The following NUDT6 variants were observed in gnomAD, a reference collection of about 807,000 sequenced individuals.
NUDT6 encodes nudix hydrolase 6.
In NUDT6, 24 loss-of-function variants were observed where a neutral mutation model predicts 36.8. That is an observed-to-expected ratio of 0.65 (90% CI 0.47 to 0.92). The LOEUF is 0.92. Among genes scored for constraint, NUDT6 ranks in the 40% least tolerant of loss-of-function variants. NUDT6 has a pLI of 0.00. For synonymous variants in NUDT6, 163 were observed against 157.0 expected, an observed-to-expected ratio of 1.04 and a Z score of -0.29; for missense variants, 388 against 392.8, an observed-to-expected ratio of 0.99 and a Z score of 0.10.
At chr4:122,904,751 G>C (rs754456386) in intron 3 of NUDT6, among the ~76,000 whole-genome samples, 11 of 152,074 alleles carry the variant, frequency 7.2e-5, no homozygotes, top group Non-Finnish European at 1.0e-4. Flanking sequence ...ACCGTGCCTC[G>C]CCTCTTCCTC....
At chr4:122,917,438 C>A in intron 2 of NUDT6, 63 bp downstream of exon 2, 1 of 1,366,028 alleles carries the variant, frequency 7.3e-7, no homozygotes, top group Non-Finnish European at 1.0e-6. Flanking sequence ...TTAGCTGTAA[C>A]AAGCAAGAAA....
intron 3 of NUDT6, among the ~76,000 whole-genome samples, chr4:122,903,915 A>G (rs769587132): frequency 1.6e-4 from 25 of 152,236 alleles, no homozygotes; most frequent in Admixed American, 6.5e-4. Flanking sequence ...ATCTGGGTCC[A>G]GATAAACCAG....
Position 122,922,484 on chromosome 4 carries a change from G to A in NUDT6, c.89C>T (p.Ser30Leu). 1.9e-6 allele frequency: 3 copies of A among 1,611,280 alleles called. No individual in the cohort carries two copies. Among genetic ancestry groups the A allele is most frequent in the Non-Finnish European group, 2.5e-6 (3 of 1,179,774 alleles). Residue 30 changes from serine (S) to leucine (L), a missense_variant, in exon 1 of 5, where the codon TCG becomes TTG. Coordinates refer to ENST00000304430, the MANE Select transcript of NUDT6 (RefSeq NM_007083.5). ...ATTCCGCACGTAACCCTGTGCGCCC[G>A]AGGCCCAGCGGTAACCCGCCGAAGG... ...PGPSAGYRWA[S>L]GAQGYVRNPP...
chr4:122,904,705 C>T (rs1438187638), intron 3 of NUDT6, among the ~76,000 whole-genome samples: 1 of 152,172 alleles, frequency 6.6e-6, no homozygotes, highest in Non-Finnish European at 1.5e-5. Context: ...CTGCCTGCCT[C>T]GGCCTCCCAA....
chr4:122,897,541 T>C (rs112096878), intron 4 of NUDT6, 83 bp downstream of exon 4: 31 of 1,012,206 alleles, frequency 3.1e-5, no homozygotes, highest in African/African-American at 2.3e-4. Context: ...TTTAAATTTT[T>C]ATTCTTAGCT....
At chr4:122,917,140 A>C (rs1727861262) in intron 2 of NUDT6, among the ~76,000 whole-genome samples, 1 of 152,220 alleles carries the variant, frequency 6.6e-6, no homozygotes, top group South Asian at 2.1e-4. Context: ...AATACAAAAC[A>C]ATATTTTGAG....
intron 4 of NUDT6, chr4:122,896,304 A>C (rs1727350631): frequency 6.6e-6 from 1 of 152,530 alleles, no homozygotes; most frequent in South Asian, 2.1e-4. Flanking sequence ...TTTTTCTTCA[A>C]TTACATCTAC....
At chr4:122,918,094 T>C (rs1727884322) in intron 1 of NUDT6, 2 of 168,524 alleles carry the variant, frequency 1.2e-5, no homozygotes, top group Admixed American at 1.1e-4. Flanking sequence ...ATTATGGACT[T>C]CTATTTTTTT....
intron 3 of NUDT6, among the ~76,000 whole-genome samples, chr4:122,906,097 G>T (rs1284487529): frequency 6.6e-6 from 1 of 152,132 alleles, no homozygotes; most frequent in Non-Finnish European, 1.5e-5. Context: ...CCTGTTAGGG[G>T]ATTGGCTTTG....
At chr4:122,898,743 T>G (rs1578490020) in intron 3 of NUDT6, among the ~76,000 whole-genome samples, 1 of 152,360 alleles carries the variant, frequency 6.6e-6, no homozygotes, top group East Asian at 1.9e-4. Flanking sequence ...ACTTTATTAA[T>G]GTAGAAATAT....
intron 4 of NUDT6, chr4:122,895,517 A>T (rs1727322265): frequency 6.6e-6 from 1 of 152,198 alleles, no homozygotes; most frequent in African/African-American, 2.4e-5. Flanking sequence ...TAGTGCACTG[A>T]TGATCTCTGA....
chr4:122,893,041 A>T lies in NUDT6; in HGVS notation c.738T>A (p.Cys246Ter). ...CCAGGTCATTGAGATCCATCCACTC[A>T]CATCTTAAGCATTCTTCCTGGCAAA... is the stretch of plus-strand genomic sequence containing the variant. Reference protein sequence around the residue: ...INFCQEECLRCEWMDLNDLAK... With the variant: ...INFCQEECLR Residue 246 changes from cysteine to a stop codon, truncating the protein, a stop_gained, in exon 5 of 5, where the codon TGT (cysteine) becomes TGA (stop). Transcript: ENST00000304430. LOFTEE classifies it high-confidence loss of function. 6.2e-7 allele frequency: 1 copy of T among 1,614,156 alleles called. No homozygotes were observed.
intron 3 of NUDT6, among the ~76,000 whole-genome samples, chr4:122,901,104 A>T (rs964016029): frequency 7.2e-5 from 11 of 152,130 alleles, no homozygotes; most frequent in African/African-American, 2.7e-4. Context: ...CTCTTGTGAA[A>T]CAAGTATTCT....
rs1485017497 is a variant in NUDT6, at chr4:122,922,494, G to A, written c.79C>T (p.Arg27Cys). The A allele has an allele frequency of 1.2e-6, 2 of 1,610,888 alleles. No homozygotes were observed. The highest frequency in any genetic ancestry group is 8.5e-7 in the Non-Finnish European group (1 of 1,179,752). The change falls in exon 1 of 5, where the codon CGC (arginine) becomes TGC (cysteine). Residue 27 changes from arginine (R) to cysteine (C), a missense_variant. Arg to Cys is a radical substitution (Grantham distance 180, BLOSUM62 -3). Transcript: ENST00000304430. ...TYGPGPSAGY[R>C]WASGAQGYVR... ...TAACCCTGTGCGCCCGAGGCCCAGC[G>A]GTAACCCGCCGAAGGCCCGGGGCCG...
chr4:122,905,539 C>T (rs1266509026), intron 3 of NUDT6, among the ~76,000 whole-genome samples: 2 of 152,180 alleles, frequency 1.3e-5, no homozygotes, highest in African/African-American at 4.8e-5. Flanking sequence ...TTGCTTACCC[C>T]TCTATGTGCT....
rs531826449 is a variant in NUDT6, at chr4:122,922,537, C to A, written c.36G>T (p.Ala12=). The A allele has an allele frequency of 1.2e-6, 2 of 1,603,406 alleles. No homozygotes were observed. The highest frequency in any genetic ancestry group is 1.7e-5 in the Admixed American group (1 of 59,834). The change falls in exon 1 of 5, where the codon GCG becomes GCT. Residue 12 remains alanine, a synonymous_variant. Transcript: ENST00000304430. ...RQPLSWGRWR[A]MLARTYGPGP... ...CGGGGCCGTAGGTTCGGGCAAGCAT[C>A]GCGCGCCAGCGGCCCCAGCTCAGTG...
At chr4:122,913,730 T>A (rs1359778272) in intron 2 of NUDT6, among the ~76,000 whole-genome samples, 1 of 151,198 alleles carries the variant, frequency 6.6e-6, no homozygotes, top group Non-Finnish European at 1.5e-5. Context: ...CTAGTTCATT[T>A]TTTTTTGTTT....
chr4:122,918,689 T>G (rs1727902328), intron 1 of NUDT6: 2 of 152,198 alleles, frequency 1.3e-5, no homozygotes, highest in Admixed American at 6.5e-5. Flanking sequence ...GTTCTCTACC[T>G]CTTTGAAAGT....
At chr4:122,915,366 A>G (rs1412013666) in intron 2 of NUDT6, among the ~76,000 whole-genome samples, 1 of 149,758 alleles carries the variant, frequency 6.7e-6, no homozygotes, top group Non-Finnish European at 1.5e-5. Flanking sequence ...GCTACTTGGG[A>G]GGCTAAGGCA....
Sources: gnomAD v4.1 joint callset for allele counts (sites outside exome capture counted in the v4.1 genomes callset) on GRCh38, gnomAD v4.1.1 for gene constraint, MANE v1.5 for transcripts, NCBI Gene and HGNC (gene_info 2026-07-23, HGNC 2026-07-21) for gene names.